Variants in GNA15 observed in about 807,000 individuals in gnomAD.
GNA15 encodes the protein G protein subunit alpha 15, also known as guanine nucleotide-binding protein subunit alpha-15.
Under a neutral mutation model 40.1 loss-of-function variants are expected in GNA15, and 23 were observed. The ratio of observed to expected loss-of-function variants is 0.57; its 90% CI spans 0.41 to 0.81. GNA15 has a LOEUF of 0.81. GNA15 is among the 40% of genes least tolerant of loss of function. GNA15 has a pLI of 0.00. For synonymous variants in GNA15, 226 were observed against 210.4 expected (o/e 1.07, Z -0.64); for missense variants, 522 against 515.8 (o/e 1.01, Z -0.12).
At chr19:3,145,693 G>A (rs984376818) in intron 1 of GNA15, among the ~76,000 whole-genome samples, 58 of 143,078 alleles carry the variant, frequency 4.1e-4, no homozygotes, top group African/African-American at 1.4e-3. Flanking sequence ...GATTACAGGC[G>A]CCCACCAGCA....
rs12461116 is a variant in GNA15 at position 3,144,819 on chromosome 19, G to T, written c.146-3772G>T. 9.1e-3 allele frequency among the ~76,000 whole-genome samples: 1,336 copies of T among 147,306 alleles called. 18 individuals carry two copies. Among genetic ancestry groups the T allele is most frequent in the African/African-American group, 0.032 (1,281 of 39,736 alleles). On this transcript the variant is annotated intron_variant, in intron 1 of 6. Transcript: ENST00000262958. ...CTGAGATTACAGGCGTGAGCCACCG[G>T]GCCCGGCCCTTTATTTTTATTTTTT...
intron 5 of GNA15, among the ~76,000 whole-genome samples, chr19:3,156,336 C>G (rs572400059): frequency 1.3e-5 from 2 of 152,040 alleles, no homozygotes; most frequent in East Asian, 3.9e-4. Flanking sequence ...CACATGCACA[C>G]GAACACACAT....
At chr19:3,152,405 C>T (rs1914902248) in intron 4 of GNA15, among the ~76,000 whole-genome samples, 1 of 151,994 alleles carries the variant, frequency 6.6e-6, no homozygotes. Context: ...AAAATGACAC[C>T]TGAGTTTTTT....
rs576011109 is a variant in GNA15, at chr19:3,163,316, T to C, written c.*297T>C. The C allele has an allele frequency of 3.7e-5, 16 of 435,890 alleles. No homozygotes were observed. Among genetic ancestry groups the C allele is most frequent in the African/African-American group, 2.2e-4 (11 of 50,196 alleles). 27.0% of individuals were successfully genotyped at this position (435,890 alleles called of 1,614,324 possible). On this transcript the variant is annotated 3_prime_UTR_variant, in exon 7 of 7. Coordinates refer to ENST00000262958, the MANE Select transcript of GNA15 (RefSeq NM_002068.4). Reference sequence around the variant, plus strand: ...GTGAAGAAATCAGGGGATTGAGGACTTGGGTGGGTGGGCATCTCTCAGGAG... The same window carrying C: ...GTGAAGAAATCAGGGGATTGAGGACCTGGGTGGGTGGGCATCTCTCAGGAG...
chr19:3,156,650 G>A (rs577131405), intron 5 of GNA15, among the ~76,000 whole-genome samples: 51 of 151,968 alleles, frequency 3.4e-4, no homozygotes, highest in African/African-American at 1.1e-3. Context: ...CCGCCACCAC[G>A]CTCGGCTAAT....
rs539507359 is a variant in GNA15 at position 3,144,817 on chromosome 19, C to T, written c.146-3774C>T. On this transcript the variant is annotated intron_variant, in intron 1 of 6. Transcript: ENST00000262958. ...TGCTGAGATTACAGGCGTGAGCCAC[C>T]GGGCCCGGCCCTTTATTTTTATTTT... Among the ~76,000 whole-genome samples, 1,346 of 146,788 alleles carry T rather than the reference C, an allele frequency of 9.2e-3. 18 individuals carry two copies. The highest frequency in any genetic ancestry group is 0.032 in the African/African-American group (1,280 of 39,586).
intron 1 of GNA15, 77 bp from the exon 2 acceptor site, chr19:3,148,514 G>A: frequency 7.2e-7 from 1 of 1,388,220 alleles, no homozygotes; most frequent in Non-Finnish European, 9.7e-7. Context: ...GGAGTTGGGG[G>A]TGTCTGACGT....
intron 6 of GNA15, among the ~76,000 whole-genome samples, 196 bp from the exon 7 acceptor site, chr19:3,162,597 A>C (rs964808172): frequency 4.6e-5 from 7 of 152,218 alleles, no homozygotes; most frequent in Non-Finnish European, 8.8e-5. Flanking sequence ...CGTGTGAGAC[A>C]ATCTCCTGTG....
chr19:3,148,867 T>TCAGGG (rs201896289), intron 2 of GNA15, 92 bp downstream of exon 2: 33,780 of 1,199,726 alleles, frequency 0.028, 834 homozygotes, highest in South Asian at 0.034. Context: ...TCCCCAGACT[T>TCAGGG]CAGGGCAGGG....
At position 3,155,333 on chromosome 19, in the gene GNA15, G is replaced by A. The variant is rs574048812; in HGVS notation, c.615-490G>A. On this transcript the variant is annotated intron_variant, in intron 4 of 6. Coordinates refer to ENST00000262958, the MANE Select transcript of GNA15 (RefSeq NM_002068.4). The surrounding 1 kb of genome is among the most constrained non-coding windows in gnomAD (Gnocchi z 5.6). ...GGGGCAGGGTTCAGGCTTTTGTTAC[G>A]GTGCGTGGGGCTGAGTCACAGATGG... 6.6e-6 allele frequency among the ~76,000 whole-genome samples: 1 copy of A among 152,150 alleles called. No individual in the cohort carries two copies. Among genetic ancestry groups the A allele is most frequent in the Non-Finnish European group, 1.5e-5 (1 of 68,024 alleles).
chr19:3,148,857 T>G, intron 2 of GNA15, 82 bp downstream of exon 2: 1 of 1,376,266 alleles, frequency 7.3e-7, no homozygotes, highest in South Asian at 1.4e-5. Flanking sequence ...AGGGCCAAGT[T>G]CCCCAGACTT....
At chr19:3,152,488 A>G (rs1217496421) in intron 4 of GNA15, among the ~76,000 whole-genome samples, 1 of 152,076 alleles carries the variant, frequency 6.6e-6, no homozygotes, top group Non-Finnish European at 1.5e-5. Context: ...GTCCTTTGGG[A>G]CAGGTTGAGT....
rs181578561 is a variant in GNA15 at position 3,147,262 on chromosome 19, A to G, written c.146-1329A>G. ...CATATTAGTATTGTTATGATAAATAATAAAAATAGGCCAGGCACGGTGGCT... is the reference window on the plus strand; with the variant it reads ...CATATTAGTATTGTTATGATAAATAGTAAAAATAGGCCAGGCACGGTGGCT... On this transcript the variant is annotated intron_variant, in intron 1 of 6. Transcript: ENST00000262958. Among the ~76,000 whole-genome samples the G allele has an allele frequency of 3.7e-4, 56 of 152,328 alleles. No homozygotes were observed. In the East Asian group the frequency reaches 0.011, roughly 29 times the overall value.
intron 1 of GNA15, among the ~76,000 whole-genome samples, chr19:3,145,931 C>T (rs976961990): frequency 1.2e-4 from 19 of 152,054 alleles, no homozygotes; most frequent in Non-Finnish European, 2.5e-4. Context: ...GCGGCCACCC[C>T]CGACCTGCCC....
chr19:3,152,074 G>C (rs1262739519), intron 4 of GNA15, among the ~76,000 whole-genome samples: 1 of 152,198 alleles, frequency 6.6e-6, no homozygotes, highest in Non-Finnish European at 1.5e-5. Context: ...TCTTCTTGGA[G>C]GAGGGAATAT....
intron 2 of GNA15, 151 bp from the exon 3 acceptor site, chr19:3,149,980 G>C (rs781629022): frequency 1.1e-5 from 7 of 622,594 alleles, no homozygotes; most frequent in East Asian, 3.0e-5. Flanking sequence ...CAAATCAGAA[G>C]TGTGCGGGGG....
In GNA15 at chr19:3,155,845, A is replaced by C. The variant is rs1377254685; in HGVS notation, c.637A>C (p.Lys213Gln). The change falls in exon 5 of 7, where the codon AAG becomes CAG. Residue 213 changes from lysine to glutamine, a missense_variant. Coordinates refer to ENST00000262958, the MANE Select transcript of GNA15 (RefSeq NM_002068.4). The surrounding 1 kb of genome is among the most constrained non-coding windows in gnomAD (Gnocchi z 5.6). ...TAGGATCGTGGACGTCGGGGGCCAG[A>C]AGTCAGAGCGTAAGAAATGGATCCA... ...NLRIVDVGGQ[K>Q]SERKKWIHCF... 6.2e-7 allele frequency: 1 copy of C among 1,613,672 alleles called. No individual in the cohort carries two copies. Among genetic ancestry groups the C allele is most frequent in the African/African-American group, 1.3e-5 (1 of 74,886 alleles).
At chr19:3,146,993 G>A (rs866815476) in intron 1 of GNA15, among the ~76,000 whole-genome samples, 26 of 152,048 alleles carry the variant, frequency 1.7e-4, no homozygotes, top group South Asian at 2.1e-4. Context: ...CTGCCCCAGG[G>A]CCTTTGCACA....
At chr19:3,156,433 A>G (rs1047194005) in intron 5 of GNA15, among the ~76,000 whole-genome samples, 5 of 148,774 alleles carry the variant, frequency 3.4e-5, no homozygotes, top group East Asian at 4.0e-4. Context: ...ACACACATGC[A>G]CACACACAGT....
Sources: gnomAD v4.1 joint callset for allele counts (sites outside exome capture counted in the v4.1 genomes callset) on GRCh38, gnomAD v4.1.1 for gene constraint, Gnocchi (gnomAD v3.1) non-coding constraint, MANE v1.5 for transcripts, NCBI Gene and HGNC (gene_info 2026-07-23, HGNC 2026-07-21) for gene names.